EFCAB8: variants seen among roughly 807,000 people sequenced by gnomAD.
The protein encoded by EFCAB8 is EF-hand calcium binding domain 8.
A neutral mutation model predicts 116.3 loss-of-function variants in EFCAB8; 100 were observed. That is an observed-to-expected ratio of 0.86 (90% CI 0.73 to 1.02). The LOEUF (loss-of-function observed/expected upper bound fraction) is 1.02, where lower values mean the gene tolerates loss of function less well. EFCAB8 is among the 50% of genes least tolerant of loss of function. The probability of loss-of-function intolerance (pLI) is 0.00; values close to 1 mark genes in which losing one functional copy is unlikely to be tolerated. For missense variants in EFCAB8, 1,320 were observed against 1,416.9 expected, an observed-to-expected ratio of 0.93 and a Z score of 1.10; for synonymous variants, 558 against 567.9, an observed-to-expected ratio of 0.98 and a Z score of 0.25.
chr20:32,878,994 C>G (rs973274144), intron 5 of EFCAB8, among the ~76,000 whole-genome samples, 187 bp downstream of exon 5: 1 of 152,178 alleles, frequency 6.6e-6, no homozygotes, highest in Admixed American at 6.5e-5. Flanking sequence ...GACTAAGGTA[C>G]GTGATTTGTC....
At chr20:32,898,146 T>G (rs1986252328) in intron 10 of EFCAB8, among the ~76,000 whole-genome samples, 1 of 152,240 alleles carries the variant, frequency 6.6e-6, no homozygotes, top group East Asian at 1.9e-4. Context: ...GGGGGCTCCC[T>G]GTGGATAACT....
chr20:32,933,465 A>G (rs1234083308), intron 22 of EFCAB8, among the ~76,000 whole-genome samples: 2 of 152,230 alleles, frequency 1.3e-5, no homozygotes, highest in South Asian at 2.1e-4. Context: ...TACAATTTTT[A>G]TGGTGAGACA....
At chr20:32,948,886 A>C (rs940958569) in intron 23 of EFCAB8, among the ~76,000 whole-genome samples, 3 of 152,220 alleles carry the variant, frequency 2.0e-5, no homozygotes, top group Non-Finnish European at 4.4e-5. Context: ...GAAAAAACCT[A>C]AAACTAGCTT....
chr20:32,861,760 TTAAAA>T (rs1197028501), intron 1 of EFCAB8, among the ~76,000 whole-genome samples: 1 of 152,166 alleles, frequency 6.6e-6, no homozygotes, highest in Non-Finnish European at 1.5e-5. Flanking sequence ...CCTTTTTTAA[TTAAAA>T]TAAAAATCAG....
rs985936246 is a variant in EFCAB8 at position 32,943,801 on chromosome 20, A to G, written c.2956A>G (p.Ile986Val). Residue 986 changes from isoleucine to valine, a missense_variant, in exon 23 of 27, where the codon ATT (isoleucine) becomes GTT (valine). Transcript: ENST00000400522. ...GGCTTGGAAACTCTCCGGTGATGCC[A>G]TTGGTATGGGTCCTGCTGAAGCTCA... ...VKAWKLSGDA[I>V]GTFGLSVWKR... 2.4e-6 allele frequency: 1 copy of G among 416,710 alleles called. No homozygotes were observed. Among genetic ancestry groups the G allele is most frequent in the African/African-American group, 2.1e-5 (1 of 48,670 alleles). 25.8% of individuals were successfully genotyped at this position (416,710 alleles called of 1,614,324 possible).
At chr20:32,863,917 A>T in intron 2 of EFCAB8, 83 bp downstream of exon 2, 1 of 1,461,346 alleles carries the variant, frequency 6.8e-7, no homozygotes, top group Non-Finnish European at 9.3e-7. Context: ...ATGGAAGTAT[A>T]GGTGTTTCTG....
intron 26 of EFCAB8, 129 bp from the exon 27 acceptor site, chr20:32,961,007 C>T (rs963264271): frequency 1.3e-5 from 10 of 797,164 alleles, no homozygotes; most frequent in Middle Eastern, 3.5e-4. Context: ...AGCCACAGTC[C>T]TCTGGACACA....
intron 22 of EFCAB8, among the ~76,000 whole-genome samples, chr20:32,940,557 A>C (rs1988374047): frequency 6.7e-6 from 1 of 149,950 alleles, no homozygotes; most frequent in African/African-American, 2.5e-5. Flanking sequence ...AAGCTACAAA[A>C]GAAAAAAACA....
Position 32,920,309 on chromosome 20 carries a change from G to A in EFCAB8, c.2412+94G>A, listed in dbSNP as rs1987390869. 6 of 1,471,558 alleles carry A rather than the reference G, an allele frequency of 4.1e-6. No homozygotes were observed. The African/African-American group carries it at 5.7e-5, about 14-fold the overall frequency. 91.2% of individuals were successfully genotyped at this position (1,471,558 alleles called of 1,614,324 possible). On this transcript the variant is annotated intron_variant, in intron 20 of 26. Transcript: ENST00000400522. ...ATGGGGCTCGGGGGCCTGGGCTCGG[G>A]GCCCGGCCTGATTCTCCCCAGTGCC...
intron 16 of EFCAB8, 77 bp downstream of exon 16, chr20:32,911,784 A>G (rs748886024): frequency 2.1e-6 from 3 of 1,415,972 alleles, no homozygotes; most frequent in African/African-American, 1.4e-5. Context: ...CCTGGGATGC[A>G]CTATTTTTTG....
rs1985796581 is a variant in EFCAB8 at position 32,889,335 on chromosome 20, T to C, written c.602T>C (p.Met201Thr). ...NQTQQLYNQP[M>T]WVIDMVCLHN... ...ACCCAGCAGCTCTACAACCAGCCGATGTGGGTCATTGACATGGTATGTCTG... is the reference window on the plus strand; with the variant it reads ...ACCCAGCAGCTCTACAACCAGCCGACGTGGGTCATTGACATGGTATGTCTG... Residue 201 changes from methionine to threonine, a missense_variant, in exon 7 of 27, where the codon ATG (methionine) becomes ACG (threonine). Transcript: ENST00000400522. The C allele has an allele frequency of 2.6e-6, 4 of 1,551,704 alleles. No individual in the cohort carries two copies. The highest frequency in any genetic ancestry group is 2.4e-5 in the East Asian group (1 of 40,930).
rs975572138 is a variant in EFCAB8, at chr20:32,961,583, A to C, written c.3841A>C (p.Lys1281Gln). Residue 1281 changes from lysine (K) to glutamine (Q), a missense_variant, in exon 27 of 27, where the codon AAG (lysine) becomes CAG (glutamine). Lys to Gln is a moderately conservative substitution (Grantham distance 53). Transcript: ENST00000400522. ...GAAGGCCACCTTCATGTCCTCTGTG[A>C]AGGGGAGCTCCCATGTCAGGTTCTG... ...PLKATFMSSV[K>Q]GSSHVRF The C allele has an allele frequency of 2.2e-5, 30 of 1,356,150 alleles. No homozygotes were observed. Among genetic ancestry groups the C allele is most frequent in the Non-Finnish European group, 2.7e-5 (28 of 1,052,964 alleles). The allele number at this position is 1,356,150 out of a possible 1,614,324, so 84.0% of individuals were successfully genotyped here.
chr20:32,899,494 G>A (rs1340897678), intron 11 of EFCAB8, among the ~76,000 whole-genome samples: 10 of 151,920 alleles, frequency 6.6e-5, no homozygotes, highest in Admixed American at 4.6e-4. Context: ...TTATAAAGAA[G>A]GTTGGAGTCC....
intron 22 of EFCAB8, among the ~76,000 whole-genome samples, chr20:32,941,891 T>C (rs1988420734): frequency 6.6e-6 from 1 of 152,256 alleles, no homozygotes; most frequent in African/African-American, 2.4e-5. Context: ...TAGATATTAC[T>C]AAAAATGATG....
At chr20:32,928,247 T>TA (rs1987750430) in intron 20 of EFCAB8, among the ~76,000 whole-genome samples, 1 of 91,548 alleles carries the variant, frequency 1.1e-5, no homozygotes, top group African/African-American at 3.4e-5. Flanking sequence ...TTTATTTTTT[T>TA]TTTTTTGAGA....
At chr20:32,921,361 T>TTGTGTGTGTG (rs71858676) in intron 20 of EFCAB8, among the ~76,000 whole-genome samples, 1,492 of 129,254 alleles carry the variant, frequency 0.012, 11 homozygotes, top group South Asian at 0.036. Flanking sequence ...CCCAGCTATT[T>TTGTGTGTGTG]TGTGTGTGTG....
At chr20:32,859,935 C>T (rs1984017094) in intron 1 of EFCAB8, among the ~76,000 whole-genome samples, 2 of 152,212 alleles carry the variant, frequency 1.3e-5, no homozygotes, top group Admixed American at 6.5e-5. Flanking sequence ...CAGAATCGTG[C>T]ATTGCCTTTA....
intron 11 of EFCAB8, among the ~76,000 whole-genome samples, chr20:32,899,759 A>G (rs1303578156): frequency 6.6e-6 from 1 of 151,916 alleles, no homozygotes; most frequent in African/African-American, 2.4e-5. Flanking sequence ...TTTTTAGTAG[A>G]GACGGGGTTT....
chr20:32,960,724 A>G (rs11167188), intron 26 of EFCAB8, among the ~76,000 whole-genome samples: 51,151 of 152,148 alleles, frequency 0.34, 9,471 homozygotes, highest in African/African-American at 0.45. Flanking sequence ...GGTCCCCTTA[A>G]GAATAAATGA....
Sources: allele counts gnomAD v4.1 joint callset (sites outside exome capture counted in the v4.1 genomes callset), GRCh38; gene constraint gnomAD v4.1.1; transcripts MANE v1.5; gene names NCBI Gene and HGNC (gene_info 2026-07-23, HGNC 2026-07-21).